Variants in CSDE1 observed in about 807,000 individuals in gnomAD.
CSDE1 encodes cold shock domain containing E1.
In CSDE1, 17 loss-of-function variants were observed where a neutral mutation model predicts 89.3. The ratio of observed to expected loss-of-function variants is 0.19; its 90% CI spans 0.13 to 0.29. CSDE1 has a LOEUF of 0.29. Among genes scored for constraint, CSDE1 ranks in the 10% least tolerant of loss-of-function variants. CSDE1 has a pLI of 1.00. For synonymous variants in CSDE1, 322 were observed against 332.8 expected (o/e 0.97, Z 0.35); for missense variants, 672 against 984.2 (o/e 0.68, Z 4.24).
At chr1:114,724,194 CA>C (rs1659677635) in intron 15 of CSDE1, 192 bp from the exon 16 acceptor site, 2 of 401,420 alleles carry the variant, frequency 5.0e-6, no homozygotes, top group Non-Finnish European at 8.9e-6. Context: ...TCTAAACTAC[CA>C]AAATGCCTGC....
chr1:114,739,967 C>T, intron 2 of CSDE1, 77 bp from the exon 3 acceptor site: 13 of 1,228,168 alleles, frequency 1.1e-5, no homozygotes, highest in Non-Finnish European at 1.3e-5. Flanking sequence ...TAATAAGTCA[C>T]TAAATCTTCC....
intron 2 of CSDE1, among the ~76,000 whole-genome samples, chr1:114,740,839 T>C (rs911275411): frequency 4.6e-5 from 7 of 152,236 alleles, no homozygotes; most frequent in South Asian, 4.1e-4. Context: ...ATTACAATTA[T>C]GTTTTAGACC....
intron 6 of CSDE1, 53 bp from the exon 7 acceptor site, chr1:114,734,576 A>G (rs1660290587): frequency 7.0e-7 from 1 of 1,431,248 alleles, no homozygotes; most frequent in South Asian, 1.2e-5. Context: ...TTAAAAATGT[A>G]TTGGCCTGCT....
rs1053711100 is a variant in CSDE1 at position 114,717,537 on chromosome 1, A to G, written c.*632T>C. The G allele has an allele frequency of 6.6e-6, 1 of 152,602 alleles. No homozygotes were observed. Among genetic ancestry groups the G allele is most frequent in the African/African-American group, 2.4e-5 (1 of 41,442 alleles). 9.5% of individuals were successfully genotyped at this position (152,602 alleles called of 1,614,324 possible). On this transcript the variant is annotated 3_prime_UTR_variant, in exon 20 of 20. Coordinates refer to ENST00000358528, the MANE Select transcript of CSDE1 (RefSeq NM_001007553.3). ...GAAAAAAAACCTACTCTGGAAGAAAATTTTCACTGAAATATAACCAAACTT... is the reference window on the plus strand; with the variant it reads ...GAAAAAAAACCTACTCTGGAAGAAAGTTTTCACTGAAATATAACCAAACTT...
chr1:114,739,408 CAT>C (rs1427277555), intron 3 of CSDE1, among the ~76,000 whole-genome samples: 6 of 152,148 alleles, frequency 3.9e-5, no homozygotes, highest in Admixed American at 2.0e-4. Context: ...TCATAAGTAA[CAT>C]TACAAAAGTT....
At chr1:114,741,430 G>A in intron 2 of CSDE1, 7 of 1,149,110 alleles carry the variant, frequency 6.1e-6, no homozygotes, top group Non-Finnish European at 8.2e-6. Flanking sequence ...GTTAGAAGGT[G>A]AGTCGGCAAG....
chr1:114,725,164 C>G (rs1011252675), intron 15 of CSDE1, 57 bp downstream of exon 15: 53 of 1,339,416 alleles, frequency 4.0e-5, no homozygotes, highest in Non-Finnish European at 5.5e-5. Flanking sequence ...CTCTACTACT[C>G]CATCCTTTAT....
At position 114,739,400 on chromosome 1, in the gene CSDE1, A is replaced by G. The variant is rs151305055; in HGVS notation, c.199+292T>C. Among the ~76,000 whole-genome samples the G allele has an allele frequency of 4.8e-4, 73 of 152,360 alleles. 1 individual carries two copies. The East Asian group carries it at 0.012, about 25-fold the overall frequency. The stretch of plus-strand genomic sequence containing the variant: ...CAAAATAGTACCTGACAGAATAATC[A>G]TAAGTAACATTACAAAAGTTCAATA... On this transcript the variant is annotated intron_variant, in intron 3 of 19. Transcript: ENST00000358528.
intron 17 of CSDE1, 135 bp from the exon 18 acceptor site, chr1:114,719,877 CAA>C (rs1659414416): frequency 1.3e-6 from 1 of 766,180 alleles, no homozygotes; most frequent in South Asian, 2.0e-5. Flanking sequence ...CTGCCTGTGG[CAA>C]AACCTGTCAG....
chr1:114,726,712 T>C (rs1659819283), intron 13 of CSDE1, among the ~76,000 whole-genome samples: 1 of 152,232 alleles, frequency 6.6e-6, no homozygotes, highest in Non-Finnish European at 1.5e-5. Flanking sequence ...AATGTTTCAG[T>C]AGTAACTGTT....
In CSDE1 at chr1:114,738,091, T is replaced by C; in HGVS notation, c.200-19A>G. 6.3e-7 allele frequency: 1 copy of C among 1,583,628 alleles called. No homozygotes were observed. ...ACATCATCTAAAAATAAATAATGTG[T>C]TATGTTTGTTGAACTGATTTTTGCG... is the stretch of plus-strand genomic sequence containing the variant. On this transcript the variant is annotated intron_variant, in intron 3 of 19. Coordinates refer to ENST00000358528, the MANE Select transcript of CSDE1 (RefSeq NM_001007553.3).
chr1:114,749,303 C>T (rs1275837950), intron 2 of CSDE1, among the ~76,000 whole-genome samples: 4 of 144,118 alleles, frequency 2.8e-5, no homozygotes, highest in Non-Finnish European at 3.0e-5. Flanking sequence ...CTTATTCATT[C>T]GTTATATTTC....
At chr1:114,737,818 TTTGA>T in intron 4 of CSDE1, 141 bp downstream of exon 4, 1 of 668,810 alleles carries the variant, frequency 1.5e-6, no homozygotes, top group Non-Finnish European at 2.6e-6. Flanking sequence ...TGCCAGTGCT[TTTGA>T]TTAATTTTAA....
At chr1:114,741,421 T>G in intron 2 of CSDE1, 4 of 1,082,204 alleles carry the variant, frequency 3.7e-6, no homozygotes, top group Non-Finnish European at 5.0e-6. Context: ...ATTCGGGAAG[T>G]TAGAAGGTGA....
intron 4 of CSDE1, 134 bp from the exon 5 acceptor site, chr1:114,737,697 T>C: frequency 2.7e-6 from 2 of 733,994 alleles, no homozygotes; most frequent in Non-Finnish European, 4.5e-6. Context: ...GAGGATGTCA[T>C]GCTGCCAAGT....
chr1:114,725,105 G>A, intron 15 of CSDE1, 116 bp downstream of exon 15: 2 of 796,204 alleles, frequency 2.5e-6, no homozygotes, highest in Non-Finnish European at 4.4e-6. Flanking sequence ...GCTGTTCTAT[G>A]GAATCGCACA....
chr1:114,738,751 A>C (rs553256725), intron 3 of CSDE1, among the ~76,000 whole-genome samples: 4 of 140,414 alleles, frequency 2.8e-5, no homozygotes, highest in Non-Finnish European at 6.0e-5. Flanking sequence ...GCTCACTGCA[A>C]CCTCTACCTT....
intron 14 of CSDE1, among the ~76,000 whole-genome samples, chr1:114,725,618 T>G (rs900001403): frequency 2.1e-5 from 3 of 139,834 alleles, no homozygotes; most frequent in African/African-American, 8.4e-5. Flanking sequence ...CTGAACTGTC[T>G]GGTTCTAAGA....
chr1:114,725,435 T>C, intron 14 of CSDE1, 102 bp from the exon 15 acceptor site: 1 of 874,736 alleles, frequency 1.1e-6, no homozygotes, highest in Non-Finnish European at 1.9e-6. Context: ...GGCATGCTTA[T>C]TTACATTAGA....
Sources: gnomAD v4.1 joint callset for allele counts (sites outside exome capture counted in the v4.1 genomes callset) on GRCh38, gnomAD v4.1.1 for gene constraint, MANE v1.5 for transcripts, NCBI Gene and HGNC (gene_info 2026-07-23, HGNC 2026-07-21) for gene names.